C19orf47: variants seen among roughly 807,000 people sequenced by gnomAD.
C19orf47 encodes the protein chromosome 19 open reading frame 47, also known as uncharacterized protein C19orf47.
A neutral mutation model predicts 32.3 loss-of-function variants in C19orf47; 18 were observed. The observed-to-expected ratio is 0.56, with a 90% CI of 0.39 to 0.83. C19orf47 has a LOEUF of 0.83. Ranked by LOEUF, C19orf47 falls within the 40% of genes least tolerant of loss-of-function variation. C19orf47 has a pLI of 0.00. For synonymous variants in C19orf47, 202 were observed against 211.1 expected (o/e 0.96, Z 0.37); for missense variants, 484 against 531.6 (o/e 0.91, Z 0.88).
chr19:40,326,630 G>C, intron 6 of C19orf47, 144 bp from the exon 7 acceptor site: 1 of 1,024,850 alleles, frequency 9.8e-7, no homozygotes, highest in Non-Finnish European at 1.4e-6. Context: ...ACCACTGACC[G>C]AACCACAGAG....
At chr19:40,312,493 T>C in the C19orf47 span, among the ~76,000 whole-genome samples, 1 of 151,030 alleles carries the variant, frequency 6.6e-6, no homozygotes, top group African/African-American at 2.4e-5. Flanking sequence ...TGCAGTGAGC[T>C]GAGATCGCAC....
chr19:40,338,222 T>G (rs1320623230), intron 2 of C19orf47, among the ~76,000 whole-genome samples: 1 of 150,048 alleles, frequency 6.7e-6, no homozygotes, highest in African/African-American at 2.5e-5. Flanking sequence ...TACAGGCGCA[T>G]GCCACCAGGC....
At chr19:40,328,968 C>T (rs147183940) in intron 5 of C19orf47, among the ~76,000 whole-genome samples, 2 of 152,254 alleles carry the variant, frequency 1.3e-5, no homozygotes, top group East Asian at 1.9e-4. Context: ...CCAAGCACAG[C>T]GGAATTGCTG....
At chr19:40,300,547 TAA>T in the C19orf47 span, among the ~76,000 whole-genome samples, 1 of 152,218 alleles carries the variant, frequency 6.6e-6, no homozygotes, top group Non-Finnish European at 1.5e-5. Context: ...TCTAATGTTA[TAA>T]GTCATAATTT....
the C19orf47 span, among the ~76,000 whole-genome samples, chr19:40,302,436 G>T: frequency 6.6e-6 from 1 of 151,992 alleles, no homozygotes; most frequent in Non-Finnish European, 1.5e-5. Flanking sequence ...TAATTTTTTT[G>T]TATTTCGTGT....
the C19orf47 span, among the ~76,000 whole-genome samples, chr19:40,312,537 T>G: frequency 2.7e-5 from 4 of 150,042 alleles, no homozygotes; most frequent in Non-Finnish European, 5.9e-5. Context: ...AGAGCGAGAC[T>G]CCATCTCAAA....
the C19orf47 span, among the ~76,000 whole-genome samples, chr19:40,311,554 TAATA>T: frequency 6.6e-6 from 1 of 151,476 alleles, no homozygotes; most frequent in Non-Finnish European, 1.5e-5. Context: ...AAAATAATAA[TAATA>T]AATAAAAATA....
Position 40,322,001 on chromosome 19 carries a change from T to C in C19orf47, c.1039A>G (p.Thr347Ala), listed in dbSNP as rs762474340. 22 of 1,613,960 alleles carry C rather than the reference T, an allele frequency of 1.4e-5. No homozygotes were observed. The Admixed American group carries it at 2.2e-4, about 16-fold the overall frequency. Residue 347 changes from threonine to alanine, a missense_variant, in exon 9 of 9, where the codon ACC becomes GCC. By Grantham distance (58) the Thr-to-Ala change is moderately conservative (BLOSUM62 0). This residue lies in a region of C19orf47 where 51 missense variants were observed against 74.5 expected (regional missense o/e 0.68). Coordinates refer to ENST00000683109, the MANE Select transcript of C19orf47 (RefSeq NM_001256441.2). Reference sequence around the variant, plus strand: ...GGCCCCACCAGAGTCCTCTTAATGGTGACCTTGACCTCGGCTGAGGACTTA... The same window carrying C: ...GGCCCCACCAGAGTCCTCTTAATGGCGACCTTGACCTCGGCTGAGGACTTA... ...KSKSSAEVKV[T>A]IKRTLVGPRG... is the part of the protein sequence containing the mutation.
At chr19:40,293,334 T>C in the C19orf47 span, among the ~76,000 whole-genome samples, 1 of 151,862 alleles carries the variant, frequency 6.6e-6, no homozygotes, top group African/African-American at 2.4e-5. Context: ...TTAGTAGAGA[T>C]GGGGTTTCAC....
chr19:40,311,690 G>A, the C19orf47 span, among the ~76,000 whole-genome samples: 247 of 152,098 alleles, frequency 1.6e-3, no homozygotes, highest in African/African-American at 5.7e-3. Context: ...GAGTCTTGCT[G>A]GGTCGCCCAG....
At chr19:40,337,998 G>A (rs967535040) in intron 2 of C19orf47, among the ~76,000 whole-genome samples, 4 of 152,156 alleles carry the variant, frequency 2.6e-5, no homozygotes, top group Non-Finnish European at 5.9e-5. Context: ...TATATGAAGT[G>A]TCTAGAACAG....
At chr19:40,340,905 G>C (rs1385300186) in intron 2 of C19orf47, among the ~76,000 whole-genome samples, 1 of 150,494 alleles carries the variant, frequency 6.6e-6, no homozygotes, top group Non-Finnish European at 1.5e-5. Context: ...CTGAGCCTGG[G>C]AGGCAGAGGG....
chr19:40,339,589 A>G (rs1417309716), intron 2 of C19orf47, among the ~76,000 whole-genome samples: 1 of 152,202 alleles, frequency 6.6e-6, no homozygotes, highest in East Asian at 1.9e-4. Flanking sequence ...AGCCAGATAC[A>G]AAAGAACACA....
At position 40,326,372 on chromosome 19, in the gene C19orf47, C is replaced by T. The variant is rs376597651; in HGVS notation, c.554G>A (p.Arg185His). 260 of 1,614,020 alleles carry T rather than the reference C, an allele frequency of 1.6e-4. No homozygotes were observed. The highest frequency in any genetic ancestry group is 2.1e-4 in the Non-Finnish European group (250 of 1,180,040). Reference protein sequence around the residue: ...VINMPKGTTPRTRKILEQQQA... With the variant: ...VINMPKGTTPHTRKILEQQQA... ...CTGCTGCTCCAGGATCTTGCGGGTG[C>T]GGGGTGTGGTGCCTTTGGGCATGTT... The change falls in exon 7 of 9, where the codon CGC becomes CAC. Residue 185 changes from arginine (R) to histidine (H), a missense_variant. Physicochemically the swap from Arg to His is conservative, Grantham distance 29. Coordinates refer to ENST00000683109, the MANE Select transcript of C19orf47 (RefSeq NM_001256441.2).
At chr19:40,339,025 C>T (rs62107628) in intron 2 of C19orf47, 4,153 of 152,420 alleles carry the variant, frequency 0.027, 84 homozygotes, top group Non-Finnish European at 0.043. Flanking sequence ...CTCTCTGAGC[C>T]AAAGCCTATG....
At chr19:40,312,318 C>T in the C19orf47 span, among the ~76,000 whole-genome samples, 2 of 152,050 alleles carry the variant, frequency 1.3e-5, no homozygotes, top group Admixed American at 6.6e-5. Flanking sequence ...GAGGCCGAGG[C>T]GGTCGGATCA....
chr19:40,326,075 G>T (rs1378478104), intron 7 of C19orf47, among the ~76,000 whole-genome samples: 8 of 152,204 alleles, frequency 5.3e-5, no homozygotes, highest in African/African-American at 1.9e-4. Context: ...TTTTACAGCA[G>T]GCCATCACTC....
intron 5 of C19orf47, among the ~76,000 whole-genome samples, chr19:40,330,669 C>T (rs966984374): frequency 2.0e-5 from 3 of 150,484 alleles, no homozygotes; most frequent in Non-Finnish European, 4.4e-5. Context: ...CCCACCTCAG[C>T]CTCCCAAGCC....
intron 8 of C19orf47, 41 bp from the exon 9 acceptor site, chr19:40,322,417 C>CT: frequency 6.6e-7 from 1 of 1,521,430 alleles, no homozygotes; most frequent in Non-Finnish European, 8.8e-7. Flanking sequence ...CACTGAGTCA[C>CT]TCAACACACA....
Sources: gnomAD v4.1 joint callset for allele counts (sites outside exome capture counted in the v4.1 genomes callset) on GRCh38, gnomAD v4.1.1 for gene constraint, gnomAD v4.1.1 regional missense constraint, MANE v1.5 for transcripts, NCBI Gene and HGNC (gene_info 2026-07-23, HGNC 2026-07-21) for gene names.